Variants in ADAMTSL1 observed in about 807,000 individuals in gnomAD.
ADAMTSL1 encodes ADAMTS like 1.
A neutral mutation model predicts 201.8 loss-of-function variants in ADAMTSL1; 126 were observed. The ratio of observed to expected loss-of-function variants is 0.62; its 90% CI spans 0.54 to 0.72. The LOEUF (loss-of-function observed/expected upper bound fraction) is 0.72. Ranked by LOEUF, ADAMTSL1 falls within the 30% of genes least tolerant of loss-of-function variation. The pLI, the probability that ADAMTSL1 is intolerant of heterozygous loss-of-function variation, is 0.00. For missense variants in ADAMTSL1, 2,679 were observed against 2,277.8 expected (o/e 1.18, Z -3.59); for synonymous variants, 1,121 against 903.4 (o/e 1.24, Z -4.32).
At chr9:18,642,254 G>C (rs10756982) in intron 7 of ADAMTSL1, among the ~76,000 whole-genome samples, 74,711 of 151,582 alleles carry the variant, frequency 0.49, 18,844 homozygotes, top group East Asian at 0.76. Context: ...TGTGGACATT[G>C]TCTTAAAACA....
At position 18,242,719 on chromosome 9, in the gene ADAMTSL1, C is replaced by A. The variant is rs564234650; in HGVS notation, c.207+78738C>A. Among the ~76,000 whole-genome samples the A allele has an allele frequency of 4.0e-5, 6 of 151,892 alleles. No individual in the cohort carries two copies. In the South Asian group the frequency reaches 1.0e-3, roughly 26 times the overall value. ...TATCATTTTTATACACAAATCACAA[C>A]CTAATTGAAAAAATTGATAAAACAA... On this transcript the variant is annotated intron_variant, in intron 2 of 29. Transcript: ENST00000680146.
At chr9:18,100,965 C>T (rs1824488057) in intron 1 of ADAMTSL1, among the ~76,000 whole-genome samples, 1 of 152,234 alleles carries the variant, frequency 6.6e-6, no homozygotes, top group East Asian at 1.9e-4. Flanking sequence ...TCCAGTTTTT[C>T]GCTCTTGATG....
intron 1 of ADAMTSL1, among the ~76,000 whole-genome samples, chr9:18,107,460 T>C (rs1824808023): frequency 6.6e-6 from 1 of 152,150 alleles, no homozygotes; most frequent in Non-Finnish European, 1.5e-5. Flanking sequence ...ACAGACACTA[T>C]TAAATGAGAG....
At chr9:18,268,582 C>G (rs1036230095) in intron 2 of ADAMTSL1, among the ~76,000 whole-genome samples, 3 of 152,104 alleles carry the variant, frequency 2.0e-5, no homozygotes, top group African/African-American at 7.2e-5. Context: ...TCTCTAGACT[C>G]CGGGGAATAT....
At chr9:18,469,275 A>T (rs1821118010), upstream of ADAMTSL1, among the ~76,000 whole-genome samples, 1 of 152,176 alleles carries the variant, frequency 6.6e-6, no homozygotes, top group Non-Finnish European at 1.5e-5. Context: ...AGTGGTTATG[A>T]ACACAGATTG....
chr9:17,920,983 G>A (rs555259900), intron 1 of ADAMTSL1, among the ~76,000 whole-genome samples: 1 of 152,270 alleles, frequency 6.6e-6, no homozygotes, highest in Non-Finnish European at 1.5e-5. Flanking sequence ...ACCATGCTAG[G>A]TTCTTTGTGG....
intron 19 of ADAMTSL1, among the ~76,000 whole-genome samples, chr9:18,794,782 C>T (rs531225602): frequency 4.6e-5 from 7 of 152,080 alleles, no homozygotes; most frequent in African/African-American, 1.7e-4. Context: ...TATAGGCATA[C>T]ACCCCCATGC....
intron 1 of ADAMTSL1, among the ~76,000 whole-genome samples, chr9:18,474,681 A>G (rs1462854698): frequency 1.3e-5 from 2 of 152,132 alleles, no homozygotes. Flanking sequence ...TTTTTGATGG[A>G]TAGGCTTTGC....
intron 1 of ADAMTSL1, among the ~76,000 whole-genome samples, chr9:18,044,195 C>T (rs1267784687): frequency 6.6e-6 from 1 of 151,552 alleles, no homozygotes; most frequent in African/African-American, 2.4e-5. Context: ...AGACCAAGTG[C>T]CAAGTGGCTA....
At chr9:18,818,773 G>C (rs914272931) in intron 21 of ADAMTSL1, among the ~76,000 whole-genome samples, 23 of 152,174 alleles carry the variant, frequency 1.5e-4, no homozygotes, top group Middle Eastern at 3.4e-3. Context: ...CTGGGTGACA[G>C]AGCGAGACCC....
Position 18,547,635 on chromosome 9 carries a change from A to T in ADAMTSL1, c.237+14343A>T, listed in dbSNP as rs902914700. On this transcript the variant is annotated intron_variant, in intron 3 of 28. Coordinates refer to ENST00000380548, the MANE Select transcript of ADAMTSL1 (RefSeq NM_001040272.6). ...TGAAGAGCGGCTGTATATATATATA[A>T]AAAAAAAAAAAAAAAAAAAGACAGT... Among the ~76,000 whole-genome samples the T allele has an allele frequency of 5.0e-3, 711 of 141,832 alleles. 7 individuals carry two copies. Among genetic ancestry groups the T allele is most frequent in the African/African-American group, 0.017 (655 of 38,660 alleles). 93.0% of individuals were successfully genotyped at this position (141,832 alleles called of 152,430 possible).
chr9:18,276,911 G>C (rs552857004), intron 2 of ADAMTSL1, among the ~76,000 whole-genome samples: 5 of 151,862 alleles, frequency 3.3e-5, no homozygotes, highest in South Asian at 4.2e-4. Context: ...GATTTGGAAG[G>C]GATAAAACAT....
chr9:18,003,639 G>A (rs1489750616), intron 1 of ADAMTSL1, among the ~76,000 whole-genome samples: 1 of 152,068 alleles, frequency 6.6e-6, no homozygotes, highest in Non-Finnish European at 1.5e-5. Context: ...CAAGTCGGAT[G>A]GGAATCTCAG....
At chr9:18,350,733 T>G (rs1349265352) in intron 2 of ADAMTSL1, among the ~76,000 whole-genome samples, 1 of 152,100 alleles carries the variant, frequency 6.6e-6, no homozygotes, top group East Asian at 1.9e-4. Context: ...AGGGTATACA[T>G]TTTTACTTTG....
rs370940110 is a variant in ADAMTSL1, at chr9:18,681,697, T to TGTGTGGGGGGG, written c.1342-114_1342-113insTGTGGGGGGGG. 1.6e-4 allele frequency: 38 copies of TGTGTGGGGGGG among 240,270 alleles called. 1 individual carries two copies. Among genetic ancestry groups the TGTGTGGGGGGG allele is most frequent in the African/African-American group, 1.4e-3 (21 of 15,476 alleles). 14.9% of individuals were successfully genotyped at this position (240,270 alleles called of 1,614,324 possible). On this transcript the variant is annotated intron_variant, in intron 11 of 28. Transcript: ENST00000380548. ...TATAAATTTACCAGGAGTCCTCGTG[T>TGTGTGGGGGGG]GGGGGGGGGGGGCGGGGAAAAAGAA...
chr9:18,806,546 T>C lies in ADAMTSL1; in HGVS notation c.3806-10563T>C, dbSNP rs562388555. On this transcript the variant is annotated intron_variant, in intron 20 of 28. Coordinates refer to ENST00000380548, the MANE Select transcript of ADAMTSL1 (RefSeq NM_001040272.6). ...AAACAGTGCTTACAATGCTCTCTACTCTTGGCTTCATTCAAAAAACAAACT... is the reference window on the plus strand; with the variant it reads ...AAACAGTGCTTACAATGCTCTCTACCCTTGGCTTCATTCAAAAAACAAACT... Among the ~76,000 whole-genome samples, 3 of 152,364 alleles carry C rather than the reference T, an allele frequency of 2.0e-5. No homozygotes were observed. In the South Asian group the frequency reaches 6.2e-4, roughly 32 times the overall value.
At chr9:18,125,128 G>A (rs958963315) in intron 1 of ADAMTSL1, among the ~76,000 whole-genome samples, 7 of 152,204 alleles carry the variant, frequency 4.6e-5, no homozygotes, top group Non-Finnish European at 1.0e-4. Context: ...AAGAGAAAGA[G>A]GTTTAACTGG....
chr9:18,709,787 T>A (rs898661567), intron 14 of ADAMTSL1, among the ~76,000 whole-genome samples: 2 of 152,194 alleles, frequency 1.3e-5, no homozygotes, highest in African/African-American at 4.8e-5. Flanking sequence ...TTTATTGTAT[T>A]GAACTCCTAG....
At chr9:18,719,483 G>T (rs1395403812) in intron 14 of ADAMTSL1, among the ~76,000 whole-genome samples, 2 of 152,070 alleles carry the variant, frequency 1.3e-5, no homozygotes, top group Non-Finnish European at 2.9e-5. Context: ...TCCTACCTCA[G>T]TTTCCCAAGT....
Sources: allele counts gnomAD v4.1 joint callset (sites outside exome capture counted in the v4.1 genomes callset), GRCh38; gene constraint gnomAD v4.1.1; transcripts MANE v1.5; gene names NCBI Gene and HGNC (gene_info 2026-07-23, HGNC 2026-07-21).